The following ANK2 variants were observed in gnomAD, a reference collection of about 807,000 sequenced individuals.
ANK2 encodes ankyrin-2.
ANK2 carries 83 observed loss-of-function variants against 360.5 expected under a neutral mutation model. That is an observed-to-expected ratio of 0.23 (90% confidence interval 0.19 to 0.28). The LOEUF is 0.28. Among genes scored for constraint, ANK2 ranks in the 10% least tolerant of loss-of-function variants. The pLI is 1.00. For synonymous variants in ANK2, 1,740 were observed against 1,759.5 expected (o/e 0.99, Z 0.28); for missense variants, 4,201 against 4,795.7 (o/e 0.88, Z 3.66).
intron 2 of ANK2, among the ~76,000 whole-genome samples, chr4:113,022,562 C>G (rs559387048): frequency 1.3e-5 from 2 of 152,086 alleles, no homozygotes; most frequent in African/African-American, 4.8e-5. Context: ...TTTAGGGTAT[C>G]GTTCATTCAT....
intron 1 of ANK2, among the ~76,000 whole-genome samples, chr4:113,166,698 TA>T (rs947266854): frequency 6.6e-4 from 100 of 152,088 alleles, no homozygotes; most frequent in South Asian, 2.9e-3. Context: ...GTAAATGCCA[TA>T]AAAAAATGAG....
chr4:112,774,323 G>A, the ANK2 span, among the ~76,000 whole-genome samples: 2 of 151,888 alleles, frequency 1.3e-5, no homozygotes, highest in African/African-American at 2.4e-5. Context: ...TCAGGAGATC[G>A]AGACCATCCT....
chr4:112,889,295 T>A (rs1239259903), intron 1 of ANK2, among the ~76,000 whole-genome samples: 1 of 151,994 alleles, frequency 6.6e-6, no homozygotes, highest in Non-Finnish European at 1.5e-5. Flanking sequence ...TTTTCTTTTA[T>A]GGGAGATATT....
chr4:112,907,831 C>T (rs1036659698), intron 2 of ANK2, among the ~76,000 whole-genome samples: 2 of 152,046 alleles, frequency 1.3e-5, no homozygotes, highest in African/African-American at 4.8e-5. Flanking sequence ...AAAAGCCAAG[C>T]CCTTCTTTTA....
chr4:112,860,000 C>A (rs960769355), intron 1 of ANK2, among the ~76,000 whole-genome samples: 2 of 152,080 alleles, frequency 1.3e-5, no homozygotes, highest in Non-Finnish European at 2.9e-5. Flanking sequence ...GGTGTTGTTG[C>A]GTCAATTGGA....
At chr4:113,229,374 C>G (rs2099264869) in intron 4 of ANK2, among the ~76,000 whole-genome samples, 1 of 152,190 alleles carries the variant, frequency 6.6e-6, no homozygotes, top group Non-Finnish European at 1.5e-5. Context: ...ATCTTCTCTC[C>G]TCTTTGCCTT....
At chr4:113,028,186 A>G (rs2059663981) in intron 2 of ANK2, among the ~76,000 whole-genome samples, 1 of 152,082 alleles carries the variant, frequency 6.6e-6, no homozygotes, top group African/African-American at 2.4e-5. Flanking sequence ...GTGCCATAAA[A>G]TACTATGAGA....
At position 113,333,166 on chromosome 4, in the gene ANK2, A is replaced by G. The variant is rs150841275; in HGVS notation, c.3337A>G (p.Thr1113Ala). ...CTGGAAAGAGCATTTCTGTGACTAC[A>G]CTGAAGATGAATTGAATGAAATTCT... ...DSWKEHFCDY[T>A]EDELNEILNG... Residue 1113 changes from threonine (T) to alanine (A), a missense_variant, in exon 29 of 46, where the codon ACT becomes GCT. Transcript: ENST00000357077. 8.7e-6 allele frequency: 14 copies of G among 1,614,250 alleles called. No homozygotes were observed. Among genetic ancestry groups the G allele is most frequent in the Middle Eastern group, 1.6e-4 (1 of 6,062 alleles).
chr4:113,128,060 T>A (rs1273659170), intron 1 of ANK2, among the ~76,000 whole-genome samples: 1 of 152,214 alleles, frequency 6.6e-6, no homozygotes, highest in Non-Finnish European at 1.5e-5. Context: ...TTGCTTTATA[T>A]GTGGTAAGTT....
At chr4:113,209,525 T>C (rs2098996207) in intron 4 of ANK2, among the ~76,000 whole-genome samples, 1 of 151,966 alleles carries the variant, frequency 6.6e-6, no homozygotes, top group Admixed American at 6.5e-5. Context: ...ACTCGCCCTG[T>C]ATAGCAATAC....
the ANK2 span, among the ~76,000 whole-genome samples, chr4:112,783,628 ATTATTTATTTATTTATTTAT>A: frequency 7.1e-6 from 1 of 141,174 alleles, no homozygotes; most frequent in Non-Finnish European, 1.5e-5. Context: ...ATGTTGATAT[ATTATTTATTTATTTATTTAT>A]TTATTTATTT....
At chr4:112,951,674 A>G (rs1017469373) in intron 2 of ANK2, among the ~76,000 whole-genome samples, 2 of 152,216 alleles carry the variant, frequency 1.3e-5, no homozygotes, top group African/African-American at 4.8e-5. Context: ...GTGTGCTAGT[A>G]AACATTTTAC....
intron 1 of ANK2, among the ~76,000 whole-genome samples, chr4:113,089,859 A>C (rs912643906): frequency 2.0e-5 from 3 of 149,630 alleles, no homozygotes; most frequent in Admixed American, 6.6e-5. Flanking sequence ...AAAGCTGATA[A>C]AAAAATATAT....
At chr4:112,846,872 A>G (rs1161506824) in intron 1 of ANK2, among the ~76,000 whole-genome samples, 1 of 152,154 alleles carries the variant, frequency 6.6e-6, no homozygotes, top group Non-Finnish European at 1.5e-5. Context: ...CTAATGTGTT[A>G]TCCTTATCTA....
chr4:113,197,621 C>T (rs1407572886), intron 3 of ANK2, among the ~76,000 whole-genome samples: 1 of 152,098 alleles, frequency 6.6e-6, no homozygotes, highest in Non-Finnish European at 1.5e-5. Context: ...AAAACATGGC[C>T]AGTTAACGTG....
intron 7 of ANK2, among the ~76,000 whole-genome samples, chr4:113,239,867 A>G (rs887967057): frequency 1.3e-5 from 2 of 152,116 alleles, no homozygotes; most frequent in Admixed American, 6.5e-5. Context: ...TGCCACGTAT[A>G]TTGTTTAATT....
At position 113,258,030 on chromosome 4, in the gene ANK2, C is replaced by T. The variant is rs1563221176; in HGVS notation, c.1189-20C>T. 2 of 1,603,824 alleles carry T rather than the reference C, an allele frequency of 1.2e-6. No individual in the cohort carries two copies. Among genetic ancestry groups the T allele is most frequent in the Non-Finnish European group, 1.7e-6 (2 of 1,170,646 alleles). On this transcript the variant is annotated intron_variant, in intron 11 of 45. Coordinates refer to ENST00000357077, the MANE Select transcript of ANK2 (RefSeq NM_001148.6). ...ATTGTTTCTGCATGTTTTCAACTAACTTGATTGTCTTTTGCACAGAATGGT... is the reference window on the plus strand; with the variant it reads ...ATTGTTTCTGCATGTTTTCAACTAATTTGATTGTCTTTTGCACAGAATGGT...
At chr4:112,790,636 A>C in the ANK2 span, among the ~76,000 whole-genome samples, 1 of 151,738 alleles carries the variant, frequency 6.6e-6, no homozygotes, top group Non-Finnish European at 1.5e-5. Flanking sequence ...TTACATGTGC[A>C]TGCCACCACG....
chr4:113,181,615 G>T (rs72896013), intron 2 of ANK2, among the ~76,000 whole-genome samples: 52,752 of 151,954 alleles, frequency 0.35, 9,523 homozygotes, highest in African/African-American at 0.43. Flanking sequence ...GAAGGAGAGA[G>T]GGGTGGAATG....
Sources: gnomAD v4.1 joint callset for allele counts (sites outside exome capture counted in the v4.1 genomes callset) on GRCh38, gnomAD v4.1.1 for gene constraint, MANE v1.5 for transcripts, NCBI Gene and HGNC (gene_info 2026-07-23, HGNC 2026-07-21) for gene names.